Variants in IL15 observed in about 807,000 individuals in gnomAD.
IL15 encodes the protein interleukin-15.
In IL15, 11 loss-of-function variants were observed where a neutral mutation model predicts 19.6. The ratio of observed to expected loss-of-function variants is 0.56; its 90% CI spans 0.35 to 0.93. The LOEUF (loss-of-function observed/expected upper bound fraction) is 0.93. Ranked by LOEUF, IL15 falls within the 40% of genes least tolerant of loss-of-function variation. IL15 has a pLI of 0.01. For synonymous variants in IL15, 58 were observed against 59.6 expected (o/e 0.97, Z 0.12); for missense variants, 197 against 186.5 (o/e 1.06, Z -0.33).
In IL15 at chr4:141,719,494, T is replaced by A; in HGVS notation, c.12+18T>A. Reference sequence around the variant, plus strand: ...GAATTTCGGTAAGAAAAAAAATAGATGAAAATATCCTATGGAATTTCCCTT... The same window carrying A: ...GAATTTCGGTAAGAAAAAAAATAGAAGAAAATATCCTATGGAATTTCCCTT... On this transcript the variant is annotated intron_variant, in intron 3 of 7. Transcript: ENST00000320650. 1 of 1,264,024 alleles carries A rather than the reference T, an allele frequency of 7.9e-7. No homozygotes were observed. The highest frequency in any genetic ancestry group is 1.5e-5 in the African/African-American group (1 of 67,898). The allele number at this position is 1,264,024 out of a possible 1,614,324, so 78.3% of individuals were successfully genotyped here.
At chr4:141,728,989 T>C (rs992823943) in intron 6 of IL15, among the ~76,000 whole-genome samples, 1 of 152,170 alleles carries the variant, frequency 6.6e-6, no homozygotes, top group African/African-American at 2.4e-5. Context: ...ACTCCACCAC[T>C]TTTTACTTGT....
intron 2 of IL15, among the ~76,000 whole-genome samples, chr4:141,678,343 T>A (rs537773512): frequency 6.6e-6 from 1 of 152,278 alleles, no homozygotes; most frequent in East Asian, 1.9e-4. Flanking sequence ...TAACTAAGAG[T>A]CAGGCTTATT....
chr4:141,726,696 C>T lies in IL15; in HGVS notation c.196-1244C>T, dbSNP rs7658625. On this transcript the variant is annotated intron_variant, in intron 5 of 7. Coordinates refer to ENST00000320650, the MANE Select transcript of IL15 (RefSeq NM_000585.5). ...CTGCCAAAAACTGGAAACAGATGTGCTTCAGTTGGTAAAATCTGTGATATA... is the reference window on the plus strand; with the variant it reads ...CTGCCAAAAACTGGAAACAGATGTGTTTCAGTTGGTAAAATCTGTGATATA... Among the ~76,000 whole-genome samples the T allele has an allele frequency of 5.5e-3, 832 of 152,110 alleles. 16 individuals are homozygous for T. Among genetic ancestry groups the T allele is most frequent in the African/African-American group, 0.019 (807 of 41,502 alleles).
chr4:141,710,968 T>G (rs554446817), intron 2 of IL15, among the ~76,000 whole-genome samples: 3 of 152,156 alleles, frequency 2.0e-5, no homozygotes, highest in South Asian at 4.1e-4. Flanking sequence ...TTGCTACTTG[T>G]AAAAGTACAT....
intron 2 of IL15, among the ~76,000 whole-genome samples, chr4:141,679,636 A>G (rs1458956997): frequency 6.6e-6 from 1 of 152,174 alleles, no homozygotes; most frequent in African/African-American, 2.4e-5. Flanking sequence ...ATGGGACATG[A>G]TTATTTCTGC....
chr4:141,727,546 C>G (rs953927909), intron 5 of IL15, among the ~76,000 whole-genome samples: 2 of 151,988 alleles, frequency 1.3e-5, no homozygotes, highest in African/African-American at 4.8e-5. Context: ...CAGCAGAATC[C>G]TTGTGGTGAT....
intron 2 of IL15, among the ~76,000 whole-genome samples, chr4:141,662,887 C>T (rs866133841): frequency 3.0e-4 from 46 of 152,002 alleles, no homozygotes; most frequent in African/African-American, 1.1e-3. Context: ...CAAATTGTTT[C>T]CATGAAGTGA....
rs904094387 is a variant in IL15 at position 141,676,010 on chromosome 4, A to G, written c.-100+19703A>G. 3.2e-4 allele frequency among the ~76,000 whole-genome samples: 49 copies of G among 152,298 alleles called. 1 individual carries two copies. Among genetic ancestry groups the G allele is most frequent in the Admixed American group, 3.1e-3 (47 of 15,290 alleles). ...ACAGACAAAAGTGTCTACTCTGGGGAAAAAAAGCCACAGAAGACATTTATT... is the reference window on the plus strand; with the variant it reads ...ACAGACAAAAGTGTCTACTCTGGGGGAAAAAAGCCACAGAAGACATTTATT... On this transcript the variant is annotated intron_variant, in intron 2 of 7. Transcript: ENST00000320650.
At chr4:141,648,810 G>A (rs1326253848) in intron 1 of IL15, among the ~76,000 whole-genome samples, 4 of 152,014 alleles carry the variant, frequency 2.6e-5, no homozygotes, top group Admixed American at 2.0e-4. Context: ...ATATTACTCT[G>A]AGCCGCTGCA....
At chr4:141,647,015 G>C (rs1727247860) in intron 1 of IL15, among the ~76,000 whole-genome samples, 1 of 152,070 alleles carries the variant, frequency 6.6e-6, no homozygotes, top group African/African-American at 2.4e-5. Context: ...CTAAGTAGTA[G>C]GGTACTGCAA....
intron 1 of IL15, among the ~76,000 whole-genome samples, chr4:141,644,040 A>G (rs1393742411): frequency 6.6e-6 from 1 of 151,844 alleles, no homozygotes; most frequent in Non-Finnish European, 1.5e-5. Flanking sequence ...TTTATGTCAT[A>G]TTCCACGTTG....
intron 2 of IL15, among the ~76,000 whole-genome samples, chr4:141,713,750 C>T (rs76479187): frequency 1.4e-3 from 214 of 152,256 alleles, no homozygotes; most frequent in East Asian, 2.5e-3. Context: ...GTATGATTCA[C>T]GTAACACTAC....
intron 1 of IL15, among the ~76,000 whole-genome samples, chr4:141,644,258 C>A (rs375837615): frequency 4.4e-4 from 67 of 151,964 alleles, no homozygotes; most frequent in Non-Finnish European, 8.2e-4. Context: ...CCTGTCCCTG[C>A]ATCTAAAGGA....
chr4:141,673,025 T>C (rs1728226538), intron 2 of IL15, among the ~76,000 whole-genome samples: 1 of 152,192 alleles, frequency 6.6e-6, no homozygotes, highest in Non-Finnish European at 1.5e-5. Flanking sequence ...AGCTTTTCTT[T>C]CTTCCTCACT....
Position 141,732,729 on chromosome 4 carries a change from A to G in IL15, c.379-9A>G. ...AATTGCCAATTTAATCTCTCTCTAT[A>G]TTTTGCAGAATGTAACAGAATCTGG... On this transcript the variant is annotated splice_polypyrimidine_tract_variant and intron_variant, in intron 7 of 7. Transcript: ENST00000320650. 1 of 1,606,246 alleles carries G rather than the reference A, an allele frequency of 6.2e-7. No homozygotes were observed. Among genetic ancestry groups the G allele is most frequent in the Non-Finnish European group, 8.5e-7 (1 of 1,178,062 alleles).
intron 2 of IL15, among the ~76,000 whole-genome samples, chr4:141,665,318 C>T (rs1727933659): frequency 6.6e-6 from 1 of 152,112 alleles, no homozygotes; most frequent in South Asian, 2.1e-4. Flanking sequence ...TTGATTATCA[C>T]TGGCTGACCT....
At chr4:141,712,426 A>C (rs1729742901) in intron 2 of IL15, among the ~76,000 whole-genome samples, 1 of 151,996 alleles carries the variant, frequency 6.6e-6, no homozygotes, top group Non-Finnish European at 1.5e-5. Flanking sequence ...CATTTTCAAA[A>C]ACATTTGCAC....
At chr4:141,700,244 A>G (rs183520050) in intron 2 of IL15, among the ~76,000 whole-genome samples, 1 of 152,138 alleles carries the variant, frequency 6.6e-6, no homozygotes, top group East Asian at 1.9e-4. Flanking sequence ...AGGAGGTTCT[A>G]TTTTGGTGTA....
intron 2 of IL15, among the ~76,000 whole-genome samples, chr4:141,672,324 A>G (rs1171683337): frequency 6.6e-6 from 1 of 152,220 alleles, no homozygotes; most frequent in Non-Finnish European, 1.5e-5. Flanking sequence ...CTTTATAACA[A>G]GAAGATAAAT....
Sources: allele counts gnomAD v4.1 joint callset (sites outside exome capture counted in the v4.1 genomes callset), GRCh38; gene constraint gnomAD v4.1.1; transcripts MANE v1.5; gene names NCBI Gene and HGNC (gene_info 2026-07-23, HGNC 2026-07-21).